Variants in HTR2C observed in about 807,000 individuals in gnomAD.
The protein encoded by HTR2C is 5-hydroxytryptamine receptor 2C, also known as 5-hydroxytryptamine (serotonin) receptor 2C, G protein-coupled.
HTR2C carries 5 observed loss-of-function variants against 21.0 expected under a neutral mutation model. The observed-to-expected ratio is 0.24, with a 90% CI of 0.12 to 0.50. HTR2C has a LOEUF of 0.50. HTR2C is among the 20% of genes least tolerant of loss of function. The probability of loss-of-function intolerance (pLI) is 0.98; values close to 1 mark genes in which losing one functional copy is unlikely to be tolerated. For synonymous variants in HTR2C, 150 were observed against 145.3 expected (o/e 1.03, Z -0.23); for missense variants, 271 against 371.2 (o/e 0.73, Z 2.22).
intron 2 of HTR2C, among the ~76,000 whole-genome samples, chrX:114,637,816 G>A (rs1929901415): frequency 9.0e-6 from 1 of 111,112 alleles, no homozygotes; most frequent in South Asian, 3.8e-4. Context: ...CATTGAGCAA[G>A]GCAAACTGGG....
At chrX:114,750,628 G>A (rs971418804) in intron 4 of HTR2C, among the ~76,000 whole-genome samples, 1 of 111,879 alleles carries the variant, frequency 8.9e-6, no homozygotes, top group African/African-American at 3.2e-5. Flanking sequence ...GTTAGATTCT[G>A]TTGTCATCTG....
chrX:114,861,406 CTTAT>C (rs782174246), intron 5 of HTR2C, among the ~76,000 whole-genome samples: 101 of 111,218 alleles, frequency 9.1e-4, no homozygotes, highest in Non-Finnish European at 1.7e-3. Context: ...TGTGCCACCG[CTTAT>C]TTATTTATTC....
chrX:114,847,712 A>G (rs928104157), intron 4 of HTR2C, among the ~76,000 whole-genome samples: 20 of 110,967 alleles, frequency 1.8e-4, no homozygotes, highest in African/African-American at 6.5e-4. Context: ...TTTCTGAACT[A>G]GAGACAGATG....
chrX:114,671,965 G>A (rs1259096414), intron 2 of HTR2C, among the ~76,000 whole-genome samples: 2 of 111,305 alleles, frequency 1.8e-5, no homozygotes, highest in African/African-American at 6.5e-5. Flanking sequence ...AATAATAACA[G>A]TACCCAAACA....
At chrX:114,844,104 C>T (rs2070855988) in intron 4 of HTR2C, among the ~76,000 whole-genome samples, 1 of 111,369 alleles carries the variant, frequency 9.0e-6, no homozygotes, top group Admixed American at 9.6e-5. Context: ...TGGAATTGTA[C>T]TATGGGTTTC....
At chrX:114,652,831 A>G (rs1255232097) in intron 2 of HTR2C, 1 of 217,854 alleles carries the variant, frequency 4.6e-6, no homozygotes, top group Non-Finnish European at 9.5e-6. Context: ...TGTGATAAGA[A>G]TTAAAGAATT....
At chrX:114,620,023 A>T (rs1470857978) in intron 2 of HTR2C, among the ~76,000 whole-genome samples, 1 of 111,883 alleles carries the variant, frequency 8.9e-6, no homozygotes, top group African/African-American at 3.2e-5. Flanking sequence ...ATTTTTGGTG[A>T]TGGTTGGTCT....
intron 2 of HTR2C, chrX:114,715,310 G>A (rs781966353): frequency 2.6e-6 from 1 of 385,185 alleles, no homozygotes; most frequent in South Asian, 2.4e-5. Context: ...AATACATCTG[G>A]GCAACTGACT....
intron 4 of HTR2C, among the ~76,000 whole-genome samples, chrX:114,846,081 A>G (rs1301061647): frequency 9.0e-6 from 1 of 111,506 alleles, no homozygotes; most frequent in Non-Finnish European, 1.9e-5. Flanking sequence ...AATAACCTGG[A>G]TGAAATGTAA....
chrX:114,898,908 G>A lies in HTR2C; in HGVS notation c.551-7681G>A, dbSNP rs1350812306. Among the ~76,000 whole-genome samples the A allele has an allele frequency of 1.8e-5, 2 of 111,969 alleles. 1 individual carries two copies. The highest frequency in any genetic ancestry group is 1.9e-4 in the Admixed American group (2 of 10,545). On this transcript the variant is annotated intron_variant, in intron 5 of 5. Coordinates refer to ENST00000276198, the MANE Select transcript of HTR2C (RefSeq NM_000868.4). ...TTTTGGTTTCATATGAATTTTTAAA[G>A]TTTCTTCTAATTCTTTGAAGAATTT... is the stretch of plus-strand genomic sequence containing the variant.
At chrX:114,866,602 T>TG (rs2071047704) in intron 5 of HTR2C, among the ~76,000 whole-genome samples, 2 of 36,438 alleles carry the variant, frequency 5.5e-5, no homozygotes, top group Non-Finnish European at 1.5e-4. Context: ...TCATTCTTTC[T>TG]ATTTTTTTTT....
chrX:114,670,789 C>T (rs894746770), intron 2 of HTR2C, among the ~76,000 whole-genome samples: 8 of 112,159 alleles, frequency 7.1e-5, no homozygotes, highest in African/African-American at 1.9e-4. Flanking sequence ...ACTATTATCA[C>T]GAGTTAGCCA....
chrX:114,756,273 T>C (rs1216137539), intron 4 of HTR2C, among the ~76,000 whole-genome samples: 1 of 112,055 alleles, frequency 8.9e-6, no homozygotes, highest in Admixed American at 9.5e-5. Flanking sequence ...ACAGTAGCTT[T>C]GGAAAACACT....
At chrX:114,859,426 G>T (rs28822474) in intron 5 of HTR2C, among the ~76,000 whole-genome samples, 2,630 of 110,313 alleles carry the variant, frequency 0.024, 93 homozygotes, top group African/African-American at 0.083. Flanking sequence ...ATTTTCTTTT[G>T]TGTGTGTTAG....
chrX:114,586,013 T>C (rs1927375972), intron 1 of HTR2C, among the ~76,000 whole-genome samples: 1 of 111,467 alleles, frequency 9.0e-6, no homozygotes, highest in Non-Finnish European at 1.9e-5. Flanking sequence ...TGAAAAAAGA[T>C]ATCTGGGCTC....
At chrX:114,733,971 C>CA (rs781934935) in intron 4 of HTR2C, among the ~76,000 whole-genome samples, 3,664 of 110,368 alleles carry the variant, frequency 0.033, 59 homozygotes, top group Non-Finnish European at 0.053. Flanking sequence ...CAAAACACTT[C>CA]AAAAAAAATC....
chrX:114,801,422 TCTGA>T (rs1379484306), intron 4 of HTR2C, among the ~76,000 whole-genome samples: 2 of 111,411 alleles, frequency 1.8e-5, no homozygotes, highest in South Asian at 3.7e-4. Flanking sequence ...CGTGCATGAC[TCTGA>T]CTATTGGGGA....
intron 2 of HTR2C, among the ~76,000 whole-genome samples, chrX:114,640,500 CT>C (rs1247083942): frequency 8.9e-6 from 1 of 111,930 alleles, no homozygotes; most frequent in African/African-American, 3.2e-5. Context: ...ACATTTTGAT[CT>C]TATAAGACTC....
At chrX:114,668,338 A>G (rs1232258973) in intron 2 of HTR2C, among the ~76,000 whole-genome samples, 2 of 111,892 alleles carry the variant, frequency 1.8e-5, no homozygotes, top group Non-Finnish European at 3.8e-5. Context: ...CTTTAAGAAC[A>G]TGTCTTAAGA....
Sources: allele counts gnomAD v4.1 joint callset (sites outside exome capture counted in the v4.1 genomes callset), GRCh38; gene constraint gnomAD v4.1.1; transcripts MANE v1.5; gene names NCBI Gene and HGNC (gene_info 2026-07-23, HGNC 2026-07-21).